The following KREMEN1 variants were observed in gnomAD, a reference collection of about 807,000 sequenced individuals.
KREMEN1 encodes kremen protein 1.
Under a neutral mutation model 46.5 loss-of-function variants are expected in KREMEN1, and 30 were observed. The observed-to-expected ratio is 0.65, with a 90% CI of 0.48 to 0.88. The LOEUF (loss-of-function observed/expected upper bound fraction) is 0.88. KREMEN1 is among the 40% of genes least tolerant of loss of function. The probability of loss-of-function intolerance (pLI) is 0.00; values close to 1 mark genes in which losing one functional copy is unlikely to be tolerated. For synonymous variants in KREMEN1, 214 were observed against 230.6 expected (o/e 0.93, Z 0.65); for missense variants, 533 against 596.9 (o/e 0.89, Z 1.11).
chr22:29,116,775 A>G (rs1264303769), intron 3 of KREMEN1, among the ~76,000 whole-genome samples: 1 of 152,196 alleles, frequency 6.6e-6, no homozygotes. Context: ...GTTTCCACGC[A>G]CAAGGTCCTT....
chr22:29,147,082 G>C (rs1457678158), downstream of KREMEN1, among the ~76,000 whole-genome samples: 1 of 152,186 alleles, frequency 6.6e-6, no homozygotes, highest in Non-Finnish European at 1.5e-5. Flanking sequence ...TCAGGGCAGA[G>C]CACAAGGCTC....
rs902040634 is a variant in KREMEN1, at chr22:29,088,610, G to A, written c.98-5648G>A. 2.2e-4 allele frequency among the ~76,000 whole-genome samples: 34 copies of A among 152,284 alleles called. 1 individual carries two copies. The highest frequency in any genetic ancestry group is 1.3e-3 in the Admixed American group (20 of 15,304). ...CTCCCAAAGTGCTGGGATTACAGGCGTGGGCCACCGCACCTGGCCTCAGAA... is the reference window on the plus strand; with the variant it reads ...CTCCCAAAGTGCTGGGATTACAGGCATGGGCCACCGCACCTGGCCTCAGAA... On this transcript the variant is annotated intron_variant, in intron 1 of 8. Coordinates refer to ENST00000400335, the MANE Select transcript of KREMEN1 (RefSeq NM_001039570.3).
chr22:29,082,380 A>G (rs1189157441), intron 1 of KREMEN1, among the ~76,000 whole-genome samples: 5 of 152,172 alleles, frequency 3.3e-5, no homozygotes, highest in Non-Finnish European at 4.4e-5. Context: ...TTTAAATAGC[A>G]GAGTCCCTGG....
At chr22:29,167,025 G>A in intron 9 of KREMEN1, 1 of 1,547,420 alleles carries the variant, frequency 6.5e-7, no homozygotes, top group Non-Finnish European at 8.7e-7. Context: ...ACCACTCATT[G>A]TCCTTCCTAC....
chr22:29,138,099 ACT>A (rs1261147693), intron 6 of KREMEN1, among the ~76,000 whole-genome samples: 9 of 152,116 alleles, frequency 5.9e-5, no homozygotes, highest in Admixed American at 5.9e-4. Flanking sequence ...ATGGAGCCAC[ACT>A]CTCTGCCTCT....
At chr22:29,129,959 C>T (rs1341662326) in intron 5 of KREMEN1, among the ~76,000 whole-genome samples, 1 of 152,134 alleles carries the variant, frequency 6.6e-6, no homozygotes, top group Non-Finnish European at 1.5e-5. Flanking sequence ...ACATGTAGGC[C>T]AGAGTCAACA....
At position 29,143,473 on chromosome 22, in the gene KREMEN1, T is replaced by C; in HGVS notation, c.*1361T>C. ...AAAACACCCCAAGGGCCGGGCGCGG[T>C]GGCTCATGCCTGTAATCCCAGCACT... On this transcript the variant is annotated 3_prime_UTR_variant, in exon 9 of 9. Transcript: ENST00000400335. 1.0e-6 allele frequency: 1 copy of C among 985,412 alleles called. No individual in the cohort carries two copies. The highest frequency in any genetic ancestry group is 1.2e-6 in the Non-Finnish European group (1 of 829,962). 61.0% of individuals were successfully genotyped at this position (985,412 alleles called of 1,614,324 possible).
intron 1 of KREMEN1, among the ~76,000 whole-genome samples, chr22:29,087,875 T>C (rs1170726399): frequency 1.3e-5 from 2 of 152,172 alleles, no homozygotes; most frequent in Non-Finnish European, 2.9e-5. Context: ...AAGTTTTAAT[T>C]ATTTTAAAAG....
At chr22:29,111,815 CATA>C (rs1370585162) in intron 3 of KREMEN1, 1 of 152,016 alleles carries the variant, frequency 6.6e-6, no homozygotes, top group Non-Finnish European at 1.5e-5. Flanking sequence ...GAATAGAAAA[CATA>C]ATAATAGTCA....
rs1176366711 is a variant in KREMEN1, at chr22:29,143,577, C to T, written c.*1465C>T. ...CTAAGATGGTGAAACCCCGTCTCTA[C>T]TAAAAATACAAAAAATTAGCTGGGT... On this transcript the variant is annotated 3_prime_UTR_variant, in exon 9 of 9. Coordinates refer to ENST00000400335, the MANE Select transcript of KREMEN1 (RefSeq NM_001039570.3). The T allele has an allele frequency of 1.4e-6, 1 of 717,144 alleles. No individual in the cohort carries two copies. The highest frequency in any genetic ancestry group is 1.7e-6 in the Non-Finnish European group (1 of 585,366). The allele number at this position is 717,144 out of a possible 1,614,324, so 44.4% of individuals were successfully genotyped here. A position where few individuals can be genotyped will look rare whatever the true frequency, so the allele number is the denominator to read the frequency against.
intron 1 of KREMEN1, among the ~76,000 whole-genome samples, chr22:29,079,922 T>G (rs1415243348): frequency 6.6e-6 from 1 of 152,248 alleles, no homozygotes; most frequent in Non-Finnish European, 1.5e-5. Context: ...AAAATTCATC[T>G]TCAAAGAAAA....
intron 3 of KREMEN1, 66 bp from the exon 4 acceptor site, chr22:29,121,291 G>A (rs914237227): frequency 1.1e-5 from 18 of 1,589,740 alleles, no homozygotes; most frequent in Admixed American, 8.5e-5. Context: ...GGCACAAATC[G>A]CTTTTCCTTC....
At chr22:29,092,932 AACACTGC>A (rs1315989758) in intron 1 of KREMEN1, among the ~76,000 whole-genome samples, 1 of 152,152 alleles carries the variant, frequency 6.6e-6, no homozygotes, top group Admixed American at 6.5e-5. Flanking sequence ...CCAAGATTGC[AACACTGC>A]ACTCCAGCCT....
At chr22:29,088,911 G>A (rs1389230850) in intron 1 of KREMEN1, among the ~76,000 whole-genome samples, 7 of 152,002 alleles carry the variant, frequency 4.6e-5, no homozygotes, top group Non-Finnish European at 1.0e-4. Context: ...CCTAACATAC[G>A]CTTTCCATAC....
intron 9 of KREMEN1, among the ~76,000 whole-genome samples, chr22:29,157,063 C>T (rs939743454): frequency 6.6e-6 from 1 of 152,214 alleles, no homozygotes; most frequent in East Asian, 1.9e-4. Context: ...TTTGAAGCCA[C>T]ACCTGCCCAT....
intron 8 of KREMEN1, 51 bp from the exon 9 acceptor site, chr22:29,141,893 G>A (rs760265156): frequency 7.8e-6 from 11 of 1,411,018 alleles, no homozygotes; most frequent in Non-Finnish European, 1.1e-5. Context: ...GAGATGGTAG[G>A]TTGTTTGCGT....
chr22:29,076,301 G>A (rs1303150906), intron 1 of KREMEN1, among the ~76,000 whole-genome samples: 1 of 152,186 alleles, frequency 6.6e-6, no homozygotes, highest in Non-Finnish European at 1.5e-5. Context: ...AGCCAGTAGT[G>A]TGTTTGCCCT....
chr22:29,088,092 A>G (rs2037755149), intron 1 of KREMEN1, among the ~76,000 whole-genome samples: 1 of 152,106 alleles, frequency 6.6e-6, no homozygotes, highest in Non-Finnish European at 1.5e-5. Flanking sequence ...AGAAAAACCT[A>G]TTTGCTCCTC....
chr22:29,150,704 G>A (rs1041182377), downstream of KREMEN1, among the ~76,000 whole-genome samples: 10 of 152,190 alleles, frequency 6.6e-5, no homozygotes, highest in Admixed American at 5.9e-4. Flanking sequence ...AAACACAGGC[G>A]CAGCTTTTCC....
Sources: allele counts gnomAD v4.1 joint callset (sites outside exome capture counted in the v4.1 genomes callset), GRCh38; gene constraint gnomAD v4.1.1; transcripts MANE v1.5; gene names NCBI Gene and HGNC (gene_info 2026-07-23, HGNC 2026-07-21).